Variants in MICAL2 observed in about 807,000 individuals in gnomAD.
The protein encoded by MICAL2 is [F-actin]-monooxygenase MICAL2.
Under a neutral mutation model 127.3 loss-of-function variants are expected in MICAL2, and 77 were observed. The ratio of observed to expected loss-of-function variants is 0.60; its 90% CI spans 0.50 to 0.73. MICAL2 has a LOEUF of 0.73. Ranked by LOEUF, MICAL2 falls within the 30% of genes least tolerant of loss-of-function variation. MICAL2 has a pLI of 0.00. For missense variants in MICAL2, 1,351 were observed against 1,434.4 expected (o/e 0.94, Z 0.94); for synonymous variants, 570 against 551.1 (o/e 1.03, Z -0.48).
downstream of MICAL2, among the ~76,000 whole-genome samples, chr11:12,266,641 G>A (rs560852394): frequency 6.6e-6 from 1 of 152,316 alleles, no homozygotes; most frequent in Non-Finnish European, 1.5e-5. Context: ...TACTAGGGAG[G>A]CAGAAGCAAG....
chr11:12,114,886 G>T (rs1168308243), intron 1 of MICAL2, among the ~76,000 whole-genome samples: 1 of 152,202 alleles, frequency 6.6e-6, no homozygotes, highest in African/African-American at 2.4e-5. Flanking sequence ...GCCTTGATCA[G>T]CAACCGGCCT....
At chr11:12,168,313 A>G (rs1855785161) in intron 3 of MICAL2, among the ~76,000 whole-genome samples, 1 of 151,430 alleles carries the variant, frequency 6.6e-6, no homozygotes, top group Non-Finnish European at 1.5e-5. Flanking sequence ...ACACACATAC[A>G]TACACACATC....
Position 12,348,765 on chromosome 11 carries a change from T to G in MICAL2, c.5516-1073T>G, listed in dbSNP as rs1938996695. Among the ~76,000 whole-genome samples, 3 of 152,208 alleles carry G rather than the reference T, an allele frequency of 2.0e-5. No homozygotes were observed. The South Asian group carries it at 6.2e-4, about 32-fold the overall frequency. The stretch of plus-strand genomic sequence containing the variant: ...TTACTGTGAACTTGGGCAAGTTTAA[T>G]CTTTTAAACCTCCATTTCTTCAGCT... On this transcript the variant is annotated intron_variant, in intron 32 of 34. Coordinates refer to the MICAL2 transcript ENST00000646065.
At chr11:12,233,530 G>A (rs1288123118) in intron 15 of MICAL2, among the ~76,000 whole-genome samples, 1 of 152,230 alleles carries the variant, frequency 6.6e-6, no homozygotes, top group African/African-American at 2.4e-5. Flanking sequence ...AACTCGGGCA[G>A]TATGGGAACA....
At chr11:12,215,618 C>T (rs1416214454) in intron 7 of MICAL2, among the ~76,000 whole-genome samples, 2 of 152,204 alleles carry the variant, frequency 1.3e-5, no homozygotes, top group Admixed American at 1.3e-4. Context: ...TGGAGCTAAG[C>T]TCTCATTGCA....
In MICAL2 at chr11:12,196,728, T is replaced by G. The variant is rs373677717; in HGVS notation, c.265-7522T>G. Among the ~76,000 whole-genome samples, 191 of 152,286 alleles carry G rather than the reference T, an allele frequency of 1.3e-3. 1 individual carries two copies. Among genetic ancestry groups the G allele is most frequent in the African/African-American group, 4.1e-3 (172 of 41,554 alleles). On this transcript the variant is annotated intron_variant, in intron 3 of 27. Coordinates refer to ENST00000683283, the MANE Select transcript of MICAL2 (RefSeq NM_001282663.2). The stretch of plus-strand genomic sequence containing the variant: ...TCCATCCTATTCTAAGCTCATAAAA[T>G]CCAAAGGGGAGGAATAAAGTCCAAA...
chr11:12,116,055 A>G (rs1849994547), intron 1 of MICAL2, among the ~76,000 whole-genome samples: 1 of 142,052 alleles, frequency 7.0e-6, no homozygotes, highest in Non-Finnish European at 1.5e-5. Context: ...ATCTTGGCTC[A>G]CTGCAAGCTC....
intron 21 of MICAL2, 71 bp from the exon 22 acceptor site, chr11:12,249,113 C>A: frequency 1.3e-6 from 2 of 1,599,602 alleles, no homozygotes; most frequent in Non-Finnish European, 1.7e-6. Flanking sequence ...GCTTCTCTTT[C>A]CCCAGTGGAA....
intron 14 of MICAL2, 72 bp from the exon 15 acceptor site, chr11:12,226,953 A>G: frequency 8.0e-7 from 1 of 1,247,572 alleles, no homozygotes; most frequent in African/African-American, 1.5e-5. Flanking sequence ...ACACCCAGCC[A>G]ACACCTCCTT....
chr11:12,260,960 T>C (rs1413374723), intron 26 of MICAL2: 2 of 985,378 alleles, frequency 2.0e-6, no homozygotes, highest in Non-Finnish European at 2.4e-6. Flanking sequence ...CATTTGACCA[T>C]GGAGCTGATG....
chr11:12,343,830 A>G (rs1392499288), intron 32 of MICAL2, among the ~76,000 whole-genome samples: 1 of 152,218 alleles, frequency 6.6e-6, no homozygotes, highest in African/African-American at 2.4e-5. Flanking sequence ...TATCAAGGAA[A>G]AACGATCCTT....
chr11:12,197,174 G>A (rs1860039623), intron 3 of MICAL2, among the ~76,000 whole-genome samples: 1 of 152,186 alleles, frequency 6.6e-6, no homozygotes, highest in South Asian at 2.1e-4. Flanking sequence ...TAGATGCTCT[G>A]CCACATAACA....
chr11:12,342,486 G>A (rs1322576019), intron 32 of MICAL2, among the ~76,000 whole-genome samples: 1 of 152,208 alleles, frequency 6.6e-6, no homozygotes, highest in African/African-American at 2.4e-5. Context: ...AGTCAAGGCA[G>A]GGGTTATACT....
intron 29 of MICAL2, among the ~76,000 whole-genome samples, chr11:12,298,083 G>A (rs77315404): frequency 0.016 from 2,482 of 151,618 alleles, 73 homozygotes; most frequent in African/African-American, 0.057. Flanking sequence ...GAATACTCTC[G>A]TGGGATTGAG....
chr11:12,348,445 G>A (rs1480021071), intron 32 of MICAL2, among the ~76,000 whole-genome samples: 1 of 152,156 alleles, frequency 6.6e-6, no homozygotes, highest in Non-Finnish European at 1.5e-5. Context: ...AGGGACTTGA[G>A]CACTCATGGA....
intron 13 of MICAL2, 36 bp from the exon 14 acceptor site, chr11:12,226,135 C>T: frequency 1.2e-6 from 2 of 1,608,992 alleles, no homozygotes; most frequent in East Asian, 2.2e-5. Context: ...TCTGCCTCCT[C>T]TCCCTGAATT....
intron 3 of MICAL2, among the ~76,000 whole-genome samples, chr11:12,199,417 C>T (rs1860372716): frequency 1.3e-5 from 2 of 152,274 alleles, no homozygotes; most frequent in South Asian, 4.1e-4. Context: ...TGCACTCGAC[C>T]TCGCTGCAGT....
chr11:12,201,132 C>T (rs1860670071), intron 3 of MICAL2, among the ~76,000 whole-genome samples: 2 of 151,968 alleles, frequency 1.3e-5, no homozygotes, highest in Non-Finnish European at 2.9e-5. Context: ...GGAAGCGGGG[C>T]TTGGTTCTTT....
At chr11:12,315,540 A>C (rs1864222837) in intron 29 of MICAL2, among the ~76,000 whole-genome samples, 1 of 152,184 alleles carries the variant, frequency 6.6e-6, no homozygotes, top group Admixed American at 6.5e-5. Flanking sequence ...TTTTGTGGAT[A>C]TTCCAGAGTA....
Sources: gnomAD v4.1 joint callset for allele counts (sites outside exome capture counted in the v4.1 genomes callset) on GRCh38, gnomAD v4.1.1 for gene constraint, MANE v1.5 for transcripts, NCBI Gene and HGNC (gene_info 2026-07-23, HGNC 2026-07-21) for gene names.